Variants in DCLRE1C observed in about 807,000 individuals in gnomAD.
DCLRE1C encodes the protein DNA cross-link repair 1C, also known as protein artemis.
DCLRE1C carries 47 observed loss-of-function variants against 61.4 expected under a neutral mutation model. The observed-to-expected ratio is 0.77, with a 90% confidence interval of 0.61 to 0.98. The LOEUF (loss-of-function observed/expected upper bound fraction) is 0.98. DCLRE1C is among the 50% of genes least tolerant of loss of function. The probability of loss-of-function intolerance (pLI) is 0.00; values close to 1 mark genes in which losing one functional copy is unlikely to be tolerated. For synonymous variants in DCLRE1C, 337 were observed against 287.6 expected, an observed-to-expected ratio of 1.17 and a Z score of -1.74; for missense variants, 858 against 816.0, an observed-to-expected ratio of 1.05 and a Z score of -0.63.
intron 10 of DCLRE1C, among the ~76,000 whole-genome samples, chr10:14,927,755 T>C (rs998821410): frequency 6.6e-6 from 1 of 152,202 alleles, no homozygotes. Flanking sequence ...AATTTGTTAC[T>C]CTAAGCCAAG....
chr10:14,932,412 C>T lies in DCLRE1C; in HGVS notation c.780+442G>A, dbSNP rs529879110. On this transcript the variant is annotated intron_variant, in intron 9 of 13. Transcript: ENST00000378278. Reference sequence around the variant, plus strand: ...CAGCACTTTGGGAGGCCGAGGGAGGCGGATCACGAGGTCAGGAGATTGAGA... The same window carrying T: ...CAGCACTTTGGGAGGCCGAGGGAGGTGGATCACGAGGTCAGGAGATTGAGA... Among the ~76,000 whole-genome samples the T allele has an allele frequency of 3.3e-5, 5 of 152,034 alleles. No individual in the cohort carries two copies. The East Asian group carries it at 5.8e-4, about 18-fold the overall frequency.
chr10:14,899,385 A>G, intron 13 of DCLRE1C: 1 of 798,502 alleles, frequency 1.3e-6, no homozygotes, highest in South Asian at 1.6e-5. Flanking sequence ...ACCTCTTTGC[A>G]TCTGAGTCTT....
At chr10:14,935,091 T>C (rs1288661382) in intron 6 of DCLRE1C, among the ~76,000 whole-genome samples, 1 of 151,878 alleles carries the variant, frequency 6.6e-6, no homozygotes, top group East Asian at 2.0e-4. Flanking sequence ...CCCAAAGTGC[T>C]GGGATTACAG....
At chr10:14,945,517 C>G in intron 2 of DCLRE1C, 1 of 1,120,504 alleles carries the variant, frequency 8.9e-7, no homozygotes, top group Non-Finnish European at 1.1e-6. Flanking sequence ...AACAGTGGTC[C>G]CTCACCATTG....
intron 13 of DCLRE1C, 39 bp downstream of exon 13, chr10:14,919,699 G>A (rs748288957): frequency 6.6e-7 from 1 of 1,505,060 alleles, no homozygotes; most frequent in Non-Finnish European, 9.3e-7. Flanking sequence ...AGTGTTTGCA[G>A]GGAGCCCACC....
intron 11 of DCLRE1C, among the ~76,000 whole-genome samples, chr10:14,924,165 C>A (rs1837572237): frequency 6.6e-6 from 1 of 152,226 alleles, no homozygotes; most frequent in South Asian, 2.1e-4. Context: ...TGTGCTCACG[C>A]TAACGGGAGT....
intron 3 of DCLRE1C, among the ~76,000 whole-genome samples, 185 bp downstream of exon 3, chr10:14,944,920 C>T (rs369242605): frequency 3.4e-4 from 51 of 152,116 alleles, no homozygotes; most frequent in African/African-American, 1.0e-3. Context: ...AGTGATCCAT[C>T]CGCCAAGGCC....
At chr10:14,932,544 G>C (rs561683562) in intron 9 of DCLRE1C, among the ~76,000 whole-genome samples, 1 of 152,134 alleles carries the variant, frequency 6.6e-6, no homozygotes, top group Non-Finnish European at 1.5e-5. Context: ...GGCTGAGGCA[G>C]GAGAACACGT....
intron 13 of DCLRE1C, among the ~76,000 whole-genome samples, chr10:14,915,300 A>G (rs1403471379): frequency 6.6e-6 from 1 of 152,076 alleles, no homozygotes; most frequent in African/African-American, 2.4e-5. Context: ...ATGAAATAGA[A>G]AACTACCCCG....
intron 9 of DCLRE1C, among the ~76,000 whole-genome samples, chr10:14,929,294 C>T (rs910086173): frequency 2.0e-5 from 3 of 152,102 alleles, no homozygotes; most frequent in Non-Finnish European, 2.9e-5. Context: ...ATCCCAGCTA[C>T]TTGGGAGGCT....
chr10:14,936,736 A>C (rs916125559), intron 4 of DCLRE1C, 143 bp from the exon 5 acceptor site: 11 of 653,894 alleles, frequency 1.7e-5, no homozygotes, highest in Non-Finnish European at 3.1e-5. Flanking sequence ...TCCAAATCCT[A>C]GAAACAAGTG....
At chr10:14,912,841 C>T (rs1046096063) in intron 13 of DCLRE1C, among the ~76,000 whole-genome samples, 1 of 152,030 alleles carries the variant, frequency 6.6e-6, no homozygotes, top group Non-Finnish European at 1.5e-5. Flanking sequence ...GCCACCACAC[C>T]TGGCTAATTT....
intron 9 of DCLRE1C, among the ~76,000 whole-genome samples, chr10:14,932,207 G>A (rs1839118130): frequency 6.6e-6 from 1 of 152,086 alleles, no homozygotes; most frequent in Non-Finnish European, 1.5e-5. Context: ...CTGGGCAACA[G>A]AAGGAGAATG....
intron 12 of DCLRE1C, among the ~76,000 whole-genome samples, chr10:14,920,698 G>A (rs1482520347): frequency 2.0e-5 from 3 of 152,174 alleles, no homozygotes; most frequent in African/African-American, 7.2e-5. Context: ...ATGAAGGATG[G>A]GGGCCGGGTG....
Position 14,907,303 on chromosome 10 carries a change from A to C in DCLRE1C, c.*1105T>G, listed in dbSNP as rs1371085307. Reference sequence around the variant, plus strand: ...CCATCAGTTTATCATACTAGATCCAAGTTTGTCAATTTAAATCAGGTGTGT... The same window carrying C: ...CCATCAGTTTATCATACTAGATCCACGTTTGTCAATTTAAATCAGGTGTGT... On this transcript the variant is annotated 3_prime_UTR_variant, in exon 14 of 14. Transcript: ENST00000378278. 2.0e-5 allele frequency among the ~76,000 whole-genome samples: 3 copies of C among 150,322 alleles called. No homozygotes were observed. Among genetic ancestry groups the C allele is most frequent in the African/African-American group, 7.4e-5 (3 of 40,684 alleles).
intron 11 of DCLRE1C, among the ~76,000 whole-genome samples, chr10:14,925,225 T>TAAAAAAAAAAAAAAAAAA (rs67477083): frequency 1.8e-5 from 2 of 109,320 alleles, no homozygotes; most frequent in Non-Finnish European, 3.7e-5. Context: ...ATAAAGGATT[T>TAAAAAAAAAAAAAAAAAA]AAAAAAAAAA....
intron 5 of DCLRE1C, among the ~76,000 whole-genome samples, chr10:14,935,801 G>A (rs1224842828): frequency 5.3e-5 from 8 of 152,208 alleles, no homozygotes; most frequent in Non-Finnish European, 1.0e-4. Flanking sequence ...CTTGTGATAT[G>A]TTAGCACTTT....
chr10:14,911,679 A>G (rs1835281939), intron 13 of DCLRE1C, among the ~76,000 whole-genome samples: 1 of 152,234 alleles, frequency 6.6e-6, no homozygotes, highest in Admixed American at 6.5e-5. Context: ...TGAAAAGACA[A>G]GTCTGAGAAA....
intron 13 of DCLRE1C, among the ~76,000 whole-genome samples, chr10:14,913,272 A>C (rs1835598482): frequency 6.6e-6 from 1 of 152,240 alleles, no homozygotes; most frequent in Non-Finnish European, 1.5e-5. Flanking sequence ...ATAGACATAA[A>C]GTTTCTTTTT....
Sources: allele counts gnomAD v4.1 joint callset (sites outside exome capture counted in the v4.1 genomes callset), GRCh38; gene constraint gnomAD v4.1.1; transcripts MANE v1.5; gene names NCBI Gene and HGNC (gene_info 2026-07-23, HGNC 2026-07-21).